The following STARD13 variants were observed in gnomAD, a reference collection of about 807,000 sequenced individuals.
The protein encoded by STARD13 is stAR-related lipid transfer protein 13.
A neutral mutation model predicts 106.4 loss-of-function variants in STARD13; 62 were observed. The ratio of observed to expected loss-of-function variants is 0.58; its 90% confidence interval spans 0.48 to 0.72. The LOEUF is 0.72. Ranked by LOEUF, STARD13 falls within the 30% of genes least tolerant of loss-of-function variation. The pLI is 0.00. For synonymous variants in STARD13, 565 were observed against 553.0 expected (o/e 1.02, Z -0.31); for missense variants, 1,387 against 1,424.0 (o/e 0.97, Z 0.42).
the STARD13 span, among the ~76,000 whole-genome samples, chr13:33,499,519 T>TTCTTCTTTCTTTCTTTC: frequency 1.1e-5 from 1 of 91,888 alleles, no homozygotes; most frequent in Admixed American, 1.2e-4. Flanking sequence ...TTCTTCTTTC[T>TTCTTCTTTCTTTCTTTC]TTCTTCTTCT....
chr13:33,669,202 C>T, the STARD13 span, among the ~76,000 whole-genome samples: 2 of 152,130 alleles, frequency 1.3e-5, no homozygotes, highest in Non-Finnish European at 2.9e-5. Flanking sequence ...GCCTATAATC[C>T]GCAGAAGCAG....
chr13:33,262,402 G>C (rs1890683860), intron 1 of STARD13, among the ~76,000 whole-genome samples: 1 of 152,162 alleles, frequency 6.6e-6, no homozygotes, highest in African/African-American at 2.4e-5. Flanking sequence ...TGGCAGCCCT[G>C]TGCTGCAGCT....
chr13:33,315,081 A>C (rs1259195145), intron 1 of STARD13, among the ~76,000 whole-genome samples: 5 of 152,242 alleles, frequency 3.3e-5, no homozygotes, highest in Non-Finnish European at 7.3e-5. Context: ...GAGAAATAAC[A>C]GAAAACACTT....
the STARD13 span, among the ~76,000 whole-genome samples, chr13:33,636,236 GA>G: frequency 1.3e-5 from 2 of 151,400 alleles, no homozygotes; most frequent in Non-Finnish European, 2.9e-5. Context: ...TAGTAAGACT[GA>G]TTGCGATGAT....
chr13:33,474,225 C>T, the STARD13 span, among the ~76,000 whole-genome samples: 6 of 152,110 alleles, frequency 3.9e-5, no homozygotes, highest in Non-Finnish European at 8.8e-5. Flanking sequence ...CTAGTTAGTA[C>T]ATGATGTTCT....
At chr13:33,467,497 A>G in the STARD13 span, among the ~76,000 whole-genome samples, 1 of 152,148 alleles carries the variant, frequency 6.6e-6, no homozygotes. Flanking sequence ...CTAACAGGCC[A>G]TGGACTGGTA....
At chr13:33,609,867 C>T in the STARD13 span, among the ~76,000 whole-genome samples, 1 of 152,198 alleles carries the variant, frequency 6.6e-6, no homozygotes, top group South Asian at 2.1e-4. Flanking sequence ...TGCGCCCGGC[C>T]TCTACTTCTT....
the STARD13 span, among the ~76,000 whole-genome samples, chr13:33,524,792 A>T: frequency 2.0e-5 from 3 of 152,236 alleles, no homozygotes; most frequent in Non-Finnish European, 2.9e-5. Context: ...TATACATTTT[A>T]AAATGGTTAA....
At chr13:33,408,530 A>G in the STARD13 span, among the ~76,000 whole-genome samples, 1 of 152,138 alleles carries the variant, frequency 6.6e-6, no homozygotes, top group East Asian at 1.9e-4. Flanking sequence ...TGTATACACC[A>G]CATTTTCCTT....
chr13:33,158,708 A>C (rs1196109642), intron 3 of STARD13: 1 of 152,224 alleles, frequency 6.6e-6, no homozygotes, highest in East Asian at 1.9e-4. Context: ...TGAGGGTCTA[A>C]TTAACCACTC....
At chr13:33,514,478 A>C in the STARD13 span, among the ~76,000 whole-genome samples, 1 of 152,072 alleles carries the variant, frequency 6.6e-6, no homozygotes, top group Non-Finnish European at 1.5e-5. Context: ...AGCCTCTGTG[A>C]GCTGGTCTGG....
At chr13:33,533,695 C>T in the STARD13 span, among the ~76,000 whole-genome samples, 3 of 152,038 alleles carry the variant, frequency 2.0e-5, no homozygotes, top group South Asian at 6.2e-4. Context: ...CAAATTTAAA[C>T]CAAAGCCTTT....
chr13:33,285,905 G>C (rs188487154), upstream of STARD13: 49 of 536,170 alleles, frequency 9.1e-5, no homozygotes, highest in Middle Eastern at 4.2e-3. Context: ...CAGCCGCCAG[G>C]GTCCCTCACA....
Position 33,130,288 on chromosome 13 carries a change from C to A in STARD13, c.389G>T (p.Gly130Val). 1 of 1,598,898 alleles carries A rather than the reference C, an allele frequency of 6.3e-7. No individual in the cohort carries two copies. Among genetic ancestry groups the A allele is most frequent in the Non-Finnish European group, 8.5e-7 (1 of 1,178,748 alleles). Reference sequence around the variant, plus strand: ...AAGATCTTCCTCATCGGAGTCGTCACCCTGCAGAGCACCAAGGAAAATGCT... The same window carrying A: ...AAGATCTTCCTCATCGGAGTCGTCAACCTGCAGAGCACCAAGGAAAATGCT... ...KLDVNFQRKK[G>V]DDSDEEDLCI... The change falls in exon 5 of 14, where the codon GGT (glycine) becomes GTT (valine). Residue 130 changes from glycine (G) to valine (V), a missense_variant and splice_region_variant. Coordinates refer to ENST00000336934, the MANE Select transcript of STARD13 (RefSeq NM_178006.4). This position sits in a 1 kb window ranked among gnomAD's most constrained non-coding sequence, Gnocchi z 4.1.
At chr13:33,181,371 G>T (rs1414714190) in intron 1 of STARD13, among the ~76,000 whole-genome samples, 2 of 151,982 alleles carry the variant, frequency 1.3e-5, no homozygotes, top group African/African-American at 4.8e-5. Context: ...TGTGGATTTT[G>T]TATCCTCTTA....
the STARD13 span, among the ~76,000 whole-genome samples, chr13:33,634,976 T>C: frequency 2.0e-5 from 3 of 152,220 alleles, no homozygotes; most frequent in Admixed American, 6.5e-5. Flanking sequence ...GAGGCAGCTA[T>C]GCACCAGCTC....
At chr13:33,381,670 G>A in the STARD13 span, among the ~76,000 whole-genome samples, 2 of 152,146 alleles carry the variant, frequency 1.3e-5, no homozygotes, top group African/African-American at 4.8e-5. Flanking sequence ...AACCCAGGAG[G>A]CGGAGGTTGC....
the STARD13 span, among the ~76,000 whole-genome samples, chr13:33,479,066 A>G: frequency 2.6e-5 from 4 of 152,244 alleles, no homozygotes. Context: ...AAAATGGGCT[A>G]TAGAAATGAA....
chr13:33,617,075 G>A, the STARD13 span, among the ~76,000 whole-genome samples: 6 of 152,200 alleles, frequency 3.9e-5, no homozygotes, highest in Non-Finnish European at 7.3e-5. Flanking sequence ...AACTATAAGC[G>A]TTGAGTGCTT....
Sources: allele counts gnomAD v4.1 joint callset (sites outside exome capture counted in the v4.1 genomes callset), GRCh38; gene constraint gnomAD v4.1.1; non-coding constraint Gnocchi (gnomAD v3.1); transcripts MANE v1.5; gene names NCBI Gene and HGNC (gene_info 2026-07-23, HGNC 2026-07-21).